The following FRMPD2 variants were observed in gnomAD, a reference collection of about 807,000 sequenced individuals.
FRMPD2 encodes FERM and PDZ domain containing 2.
In FRMPD2, 96 loss-of-function variants were observed where a neutral mutation model predicts 140.1. The ratio of observed to expected loss-of-function variants is 0.69; its 90% CI spans 0.58 to 0.81. The LOEUF (loss-of-function observed/expected upper bound fraction) is 0.81, where lower values mean the gene tolerates loss of function less well. Among genes scored for constraint, FRMPD2 ranks in the 40% least tolerant of loss-of-function variants. FRMPD2 has a pLI of 0.00. For synonymous variants in FRMPD2, 449 were observed against 547.6 expected, an observed-to-expected ratio of 0.82 and a Z score of 2.52; for missense variants, 1,240 against 1,447.4, an observed-to-expected ratio of 0.86 and a Z score of 2.32.
At chr10:48,187,116 G>T in intron 17 of FRMPD2, 76 bp downstream of exon 17, 2 of 859,880 alleles carry the variant, frequency 2.3e-6, no homozygotes, top group Non-Finnish European at 3.7e-6. Flanking sequence ...AAAAATAAGT[G>T]GTGGTAAAAG....
intron 13 of FRMPD2, among the ~76,000 whole-genome samples, chr10:48,209,035 T>G (rs1839262909): frequency 6.6e-6 from 1 of 152,228 alleles, no homozygotes; most frequent in African/African-American, 2.4e-5. Flanking sequence ...CTTCTCATAA[T>G]GCTGTTCAGT....
Position 48,212,024 on chromosome 10 carries a change from A to C in FRMPD2, c.1541T>G (p.Val514Gly), listed in dbSNP as rs775313724. 2.5e-6 allele frequency: 4 copies of C among 1,613,994 alleles called. No individual in the cohort carries two copies. Among genetic ancestry groups the C allele is most frequent in the Non-Finnish European group, 3.4e-6 (4 of 1,180,014 alleles). Residue 514 changes from valine to glycine, a missense_variant, in exon 13 of 29, where the codon GTT becomes GGT. By Grantham distance (109) the Val-to-Gly change is moderately radical (BLOSUM62 -3). This residue lies in a region of FRMPD2 where 1,161 missense variants were observed against 1,055.9 expected (regional missense o/e 1.10). Transcript: ENST00000374201. ...GAGCCGGTGCATCTCTGAGACTTCA[A>C]CCTGGACCCGTAGAGCGGTCATCCT... ...IERMTALRVQ[V>G]EVSEMHRLSS...
At chr10:48,182,716 T>A (rs1838581897) in intron 20 of FRMPD2, among the ~76,000 whole-genome samples, 1 of 152,226 alleles carries the variant, frequency 6.6e-6, no homozygotes, top group Admixed American at 6.5e-5. Context: ...GGAATTCTAA[T>A]GTGAGGTTGT....
chr10:48,268,648 C>A lies in FRMPD2; in HGVS notation c.25+5895G>T, dbSNP rs115357903. ...ATTAGGCTGAATGAGAAAAACCAGT[C>A]TCAAAAGGTCACAGCTTGTGAGACT... is the stretch of plus-strand genomic sequence containing the variant. On this transcript the variant is annotated intron_variant, in intron 1 of 28. Coordinates refer to ENST00000374201, the MANE Select transcript of FRMPD2 (RefSeq NM_001018071.4). 8.6e-3 allele frequency among the ~76,000 whole-genome samples: 1,317 copies of A among 152,308 alleles called. 22 individuals are homozygous for A. The highest frequency in any genetic ancestry group is 0.028 in the African/African-American group (1,149 of 41,572).
rs1163540545 is a variant in FRMPD2, at chr10:48,249,069, A to G, written c.261T>C (p.Pro87=). The part of the protein sequence containing the change: ...SHIEAAPFKA[P]ELLQGQSEDE... ...CCTCACTCTGTCCCTGTAGCAGTTC[A>G]GGGGCCTTGAAAGGAGCAGCCTCTA... Residue 87 remains proline (P), a synonymous_variant, in exon 3 of 29, where the codon CCT becomes CCC. Coordinates refer to ENST00000374201, the MANE Select transcript of FRMPD2 (RefSeq NM_001018071.4). 3 of 1,613,780 alleles carry G rather than the reference A, an allele frequency of 1.9e-6. No individual in the cohort carries two copies. Among genetic ancestry groups the G allele is most frequent in the Non-Finnish European group, 2.5e-6 (3 of 1,179,998 alleles).
At position 48,213,099 on chromosome 10, in the gene FRMPD2, G is replaced by C. The variant is rs182137369; in HGVS notation, c.1456-990C>G. On this transcript the variant is annotated intron_variant, in intron 12 of 28. Transcript: ENST00000374201. ...CACTGGGGCTGGGGGTGAATGAGTT[G>C]GCCTGAGTGGGGTATCTGAAGAGAA... is the stretch of plus-strand genomic sequence containing the variant. Among the ~76,000 whole-genome samples, 17 of 152,220 alleles carry C rather than the reference G, an allele frequency of 1.1e-4. No homozygotes were observed. The East Asian group carries it at 3.1e-3, about 28-fold the overall frequency.
At position 48,189,322 on chromosome 10, in the gene FRMPD2, C is replaced by T. The variant is rs111437363; in HGVS notation, c.2166-2030G>A. On this transcript the variant is annotated intron_variant, in intron 16 of 28. Transcript: ENST00000374201. ...GGAGGAGCCACACCTTCACCTGAGG[C>T]AGTGGCGAAAGGCTTCAGAAAAGCA... Among the ~76,000 whole-genome samples, 368 of 152,290 alleles carry T rather than the reference C, an allele frequency of 2.4e-3. 2 individuals carry two copies. Among genetic ancestry groups the T allele is most frequent in the African/African-American group, 8.6e-3 (356 of 41,548 alleles).
intron 2 of FRMPD2, 27 bp from the exon 3 acceptor site, chr10:48,249,205 T>G: frequency 6.2e-7 from 1 of 1,607,862 alleles, no homozygotes; most frequent in Non-Finnish European, 8.5e-7. Flanking sequence ...GATGGGGCTG[T>G]AGAGACAGAG....
intron 10 of FRMPD2, 142 bp from the exon 11 acceptor site, chr10:48,223,412 G>C (rs1232249363): frequency 1.5e-6 from 1 of 651,292 alleles, no homozygotes; most frequent in South Asian, 3.5e-5. Flanking sequence ...TTGCGTACCT[G>C]GTAGCAAGGA....
chr10:48,222,910 T>G (rs373340341), intron 11 of FRMPD2, among the ~76,000 whole-genome samples: 3 of 152,152 alleles, frequency 2.0e-5, no homozygotes, highest in East Asian at 3.8e-4. Context: ...AAGGGCATAT[T>G]CTCATTCTGA....
intron 12 of FRMPD2, among the ~76,000 whole-genome samples, chr10:48,219,821 G>T (rs1032059482): frequency 6.6e-6 from 1 of 152,240 alleles, no homozygotes; most frequent in Non-Finnish European, 1.5e-5. Context: ...ACTTGCATAT[G>T]ATTCTGCTGC....
chr10:48,220,839 T>C (rs1401938282), intron 12 of FRMPD2, among the ~76,000 whole-genome samples: 3 of 152,116 alleles, frequency 2.0e-5, no homozygotes, highest in Non-Finnish European at 4.4e-5. Flanking sequence ...CATGAAAAAA[T>C]GCTCCACATC....
chr10:48,264,494 A>C (rs989220594), intron 1 of FRMPD2, among the ~76,000 whole-genome samples: 2 of 152,156 alleles, frequency 1.3e-5, no homozygotes, highest in Non-Finnish European at 2.9e-5. Flanking sequence ...CAGCAATGAC[A>C]ACTGAAATGT....
At chr10:48,183,911 A>T (rs1333209905) in intron 20 of FRMPD2, among the ~76,000 whole-genome samples, 2 of 150,492 alleles carry the variant, frequency 1.3e-5, no homozygotes, top group East Asian at 4.0e-4. Flanking sequence ...GAGCTAAATA[A>T]TGAGAACCCA....
intron 10 of FRMPD2, among the ~76,000 whole-genome samples, chr10:48,229,215 T>A (rs749784385): frequency 1.3e-5 from 2 of 152,184 alleles, no homozygotes; most frequent in Non-Finnish European, 2.9e-5. Context: ...TGTATTTTAT[T>A]AGCTCTTTTA....
At chr10:48,227,941 G>A (rs774898486) in intron 10 of FRMPD2, among the ~76,000 whole-genome samples, 18 of 152,036 alleles carry the variant, frequency 1.2e-4, no homozygotes, top group Non-Finnish European at 2.4e-4. Flanking sequence ...ACAGACATAC[G>A]ACTTCTTCTA....
chr10:48,187,359 G>T (rs1231146853), intron 16 of FRMPD2, 67 bp from the exon 17 acceptor site: 2 of 1,420,656 alleles, frequency 1.4e-6, no homozygotes, highest in Non-Finnish European at 2.0e-6. Flanking sequence ...GTTAGATAAG[G>T]TGGCTCAGGG....
intron 27 of FRMPD2, among the ~76,000 whole-genome samples, chr10:48,167,584 CA>C (rs1291511911): frequency 8.4e-6 from 1 of 118,622 alleles, no homozygotes; most frequent in Non-Finnish European, 1.8e-5. Flanking sequence ...GTCACCCTCA[CA>C]GGGGATGTTC....
intron 15 of FRMPD2, among the ~76,000 whole-genome samples, chr10:48,198,095 A>G (rs994146037): frequency 6.6e-6 from 1 of 152,196 alleles, no homozygotes; most frequent in Non-Finnish European, 1.5e-5. Flanking sequence ...ATAAATATTA[A>G]CTTGTCTTAT....
Sources: allele counts gnomAD v4.1 joint callset (sites outside exome capture counted in the v4.1 genomes callset), GRCh38; gene constraint gnomAD v4.1.1; regional missense constraint gnomAD v4.1.1; transcripts MANE v1.5; gene names NCBI Gene and HGNC (gene_info 2026-07-23, HGNC 2026-07-21).